TTC7A: variants seen among roughly 807,000 people sequenced by gnomAD.
TTC7A encodes tetratricopeptide repeat protein 7A.
Under a neutral mutation model 103.7 loss-of-function variants are expected in TTC7A, and 110 were observed. The observed-to-expected ratio is 1.06, with a 90% CI of 0.91 to 1.24. The LOEUF (loss-of-function observed/expected upper bound fraction) is 1.24, where lower values mean the gene tolerates loss of function less well. Ranked by LOEUF, TTC7A falls within the 50% of genes most tolerant of loss-of-function variation. TTC7A has a pLI of 0.00. For missense variants in TTC7A, 1,340 were observed against 1,116.3 expected (o/e 1.20, Z -2.86); for synonymous variants, 521 against 467.9 (o/e 1.11, Z -1.47).
At chr2:46,974,883 C>G (rs977191282) in intron 3 of TTC7A, 90 bp from the exon 4 acceptor site, 1 of 1,545,360 alleles carries the variant, frequency 6.5e-7, no homozygotes, top group Non-Finnish European at 8.8e-7. Context: ...TGTCTGCCCC[C>G]TCGGATGAGC....
intron 11 of TTC7A, among the ~76,000 whole-genome samples, chr2:47,015,283 A>T (rs934062684): frequency 2.0e-5 from 3 of 152,222 alleles, no homozygotes; most frequent in African/African-American, 2.4e-5. Flanking sequence ...AAATTCATTT[A>T]ACTTAAAAAG....
rs751395843 is a variant in TTC7A at position 46,989,799 on chromosome 2, CGT to C, written c.765-3635_765-3634del. 3.5e-3 allele frequency among the ~76,000 whole-genome samples: 500 copies of C among 144,018 alleles called. 9 individuals carry two copies. The South Asian group carries it at 0.049, about 14-fold the overall frequency. 94.5% of individuals were successfully genotyped at this position (144,018 alleles called of 152,430 possible). On this transcript the variant is annotated intron_variant, in intron 5 of 19. Coordinates refer to ENST00000319190, the MANE Select transcript of TTC7A (RefSeq NM_020458.4). ...ATGTGCAGTCCTGATTCTTTAATTG[CGT>C]GTGTGTGTGTGTGTGCATCTGTGTG...
At position 47,073,860 on chromosome 2, in the gene TTC7A, C is replaced by G. The variant is rs200826158; in HGVS notation, c.2514C>G (p.Thr838=). The part of the protein sequence containing the change: ...QNEAAVDCFL[T]ALELEASSPV... ...AGGCTGCCGTTGACTGCTTCCTCAC[C>G]GCCCTTGAGCTGGAGGCCAGCAGCC... is the stretch of plus-strand genomic sequence containing the variant. The change falls in exon 20 of 20, where the codon ACC becomes ACG. Residue 838 remains threonine, a synonymous_variant. Transcript: ENST00000319190. The G allele has an allele frequency of 6.2e-7, 1 of 1,613,616 alleles. No individual in the cohort carries two copies. Among genetic ancestry groups the G allele is most frequent in the African/African-American group, 1.3e-5 (1 of 74,936 alleles).
At chr2:47,014,495 A>G (rs1235165752) in intron 11 of TTC7A, among the ~76,000 whole-genome samples, 2 of 152,174 alleles carry the variant, frequency 1.3e-5, no homozygotes, top group Non-Finnish European at 2.9e-5. Context: ...AACTGGCCCC[A>G]TCCTTCTGCT....
In TTC7A at chr2:46,950,361, A is replaced by C; in HGVS notation, c.185-2A>C. On this transcript the variant is annotated splice_acceptor_variant, in intron 1 of 19. Coordinates refer to ENST00000319190, the MANE Select transcript of TTC7A (RefSeq NM_020458.4). LOFTEE classifies it high-confidence loss of function. ...TGCTCTGACCCCTACTTTGCTTTTC[A>C]GATGACTTTGGGAAATTGCTGCTGG... The C allele has an allele frequency of 3.7e-6, 6 of 1,613,990 alleles. No individual in the cohort carries two copies. Among genetic ancestry groups the C allele is most frequent in the Non-Finnish European group, 5.1e-6 (6 of 1,179,986 alleles).
chr2:47,064,231 G>A (rs1303116708), intron 19 of TTC7A, among the ~76,000 whole-genome samples: 2 of 152,236 alleles, frequency 1.3e-5, no homozygotes, highest in Non-Finnish European at 2.9e-5. Context: ...CCAGGCTCAA[G>A]GATGGCCAGG....
intron 18 of TTC7A, among the ~76,000 whole-genome samples, chr2:47,053,392 G>C (rs1043459943): frequency 6.6e-6 from 1 of 152,212 alleles, no homozygotes; most frequent in African/African-American, 2.4e-5. Context: ...CACCCATGAT[G>C]GGGGCTTCAC....
chr2:46,990,911 T>A (rs1021528014), intron 5 of TTC7A, among the ~76,000 whole-genome samples: 1 of 151,678 alleles, frequency 6.6e-6, no homozygotes, highest in Admixed American at 6.6e-5. Flanking sequence ...ACCCCAGGGG[T>A]TGGTTGGTTG....
chr2:47,006,230 G>A (rs1677364215), intron 9 of TTC7A, among the ~76,000 whole-genome samples, 171 bp downstream of exon 9: 1 of 152,208 alleles, frequency 6.6e-6, no homozygotes, highest in South Asian at 2.1e-4. Flanking sequence ...TGAAATATGG[G>A]TAGTTAGAGA....
chr2:46,957,624 A>G (rs540292647), intron 3 of TTC7A, among the ~76,000 whole-genome samples: 6 of 152,358 alleles, frequency 3.9e-5, no homozygotes, highest in African/African-American at 1.4e-4. Context: ...GACATGGGTC[A>G]GTGATGTAGG....
At chr2:47,045,743 A>C (rs1682243252) in intron 15 of TTC7A, among the ~76,000 whole-genome samples, 1 of 152,174 alleles carries the variant, frequency 6.6e-6, no homozygotes, top group Admixed American at 6.5e-5. Flanking sequence ...TTGCAGTTCC[A>C]CTTAGGAGGC....
At chr2:47,069,134 G>A (rs190357491) in intron 19 of TTC7A, among the ~76,000 whole-genome samples, 1 of 152,090 alleles carries the variant, frequency 6.6e-6, no homozygotes, top group Non-Finnish European at 1.5e-5. Context: ...CTCCAGGATG[G>A]GTAGAGGCCC....
At chr2:47,013,252 T>C (rs1392389763) in intron 11 of TTC7A, among the ~76,000 whole-genome samples, 1 of 152,148 alleles carries the variant, frequency 6.6e-6, no homozygotes, top group Non-Finnish European at 1.5e-5. Context: ...CCCCACCTCA[T>C]GAGTATCAGG....
At chr2:46,996,383 A>C (rs17481182) in intron 8 of TTC7A, among the ~76,000 whole-genome samples, 6,860 of 152,340 alleles carry the variant, frequency 0.045, 222 homozygotes, top group South Asian at 0.081. Flanking sequence ...ATGGATATGG[A>C]GGTTAAGAAA....
At chr2:46,927,767 C>T (rs1405731149) in intron 2 of TTC7A, among the ~76,000 whole-genome samples, 1 of 151,702 alleles carries the variant, frequency 6.6e-6, no homozygotes, top group East Asian at 1.9e-4. Flanking sequence ...AACTGCTCAC[C>T]TAAAATACTA....
chr2:47,047,423 C>A, intron 16 of TTC7A: 5 of 833,012 alleles, frequency 6.0e-6, no homozygotes, highest in Non-Finnish European at 9.5e-6. Flanking sequence ...GACCAGTGGG[C>A]GGAAGCTGCC....
At chr2:47,034,903 G>A (rs571952809) in intron 15 of TTC7A, among the ~76,000 whole-genome samples, 2 of 152,310 alleles carry the variant, frequency 1.3e-5, no homozygotes, top group East Asian at 3.9e-4. Context: ...ACAAGCCAGA[G>A]CACGTGCCTG....
At chr2:46,983,706 C>G (rs185566565) in intron 5 of TTC7A, among the ~76,000 whole-genome samples, 2 of 152,358 alleles carry the variant, frequency 1.3e-5, no homozygotes, top group African/African-American at 4.8e-5. Context: ...CACAGCCATG[C>G]CCCTTCATTT....
chr2:46,997,611 C>T (rs1337256566), intron 8 of TTC7A, among the ~76,000 whole-genome samples: 1 of 152,132 alleles, frequency 6.6e-6, no homozygotes, highest in African/African-American at 2.4e-5. Context: ...GTCCTTCTCC[C>T]TCAGCAGTTT....
Sources: allele counts gnomAD v4.1 joint callset (sites outside exome capture counted in the v4.1 genomes callset), GRCh38; gene constraint gnomAD v4.1.1; transcripts MANE v1.5; gene names NCBI Gene and HGNC (gene_info 2026-07-23, HGNC 2026-07-21).